The following IPO8 variants were observed in gnomAD, a reference collection of about 807,000 sequenced individuals.
IPO8 encodes the protein importin-8.
In IPO8, 65 loss-of-function variants were observed where a neutral mutation model predicts 141.2. That is an observed-to-expected ratio of 0.46 (90% CI 0.38 to 0.57). The LOEUF (loss-of-function observed/expected upper bound fraction) is 0.57, where lower values mean the gene tolerates loss of function less well. IPO8 is among the 20% of genes least tolerant of loss of function. The pLI is 0.00. For synonymous variants in IPO8, 411 were observed against 420.3 expected, an observed-to-expected ratio of 0.98 and a Z score of 0.27; for missense variants, 980 against 1,246.8, an observed-to-expected ratio of 0.79 and a Z score of 3.22.
In IPO8 at chr12:30,630,710, G is replaced by C. The variant is rs2052418800; in HGVS notation, c.*150C>G. On this transcript the variant is annotated 3_prime_UTR_variant, in exon 25 of 25. Coordinates refer to ENST00000256079, the MANE Select transcript of IPO8 (RefSeq NM_006390.4). The stretch of plus-strand genomic sequence containing the variant: ...AGGGTGACAAAGGTCAAAGGGGAAA[G>C]AGTAGATAAAAGTGCTGCCTAATGC... The C allele has an allele frequency of 1.6e-6, 1 of 616,402 alleles. No homozygotes were observed. Among genetic ancestry groups the C allele is most frequent in the Non-Finnish European group, 2.9e-6 (1 of 345,874 alleles). 38.2% of individuals were successfully genotyped at this position (616,402 alleles called of 1,614,324 possible). A position where few individuals can be genotyped will look rare whatever the true frequency, so the allele number is the denominator to read the frequency against.
At chr12:30,660,716 A>G (rs2052872789) in intron 16 of IPO8, among the ~76,000 whole-genome samples, 1 of 152,130 alleles carries the variant, frequency 6.6e-6, no homozygotes, top group East Asian at 1.9e-4. Context: ...TACTTGTTAT[A>G]TCAGAATTCT....
chr12:30,693,959 C>T (rs766135455), intron 1 of IPO8, among the ~76,000 whole-genome samples: 4 of 152,134 alleles, frequency 2.6e-5, no homozygotes, highest in South Asian at 2.1e-4. Context: ...TTAAATGTCT[C>T]CTAGTTCTGC....
chr12:30,678,216 T>A (rs957278187), intron 5 of IPO8, among the ~76,000 whole-genome samples: 17 of 152,142 alleles, frequency 1.1e-4, no homozygotes, highest in Non-Finnish European at 2.4e-4. Context: ...ATAAATTTTA[T>A]AAATTTAGTG....
chr12:30,651,141 T>G (rs1323447910), intron 19 of IPO8, among the ~76,000 whole-genome samples: 1 of 152,046 alleles, frequency 6.6e-6, no homozygotes, highest in Non-Finnish European at 1.5e-5. Context: ...CACAGAACTG[T>G]TTTACTTGTT....
At chr12:30,664,722 G>A (rs1220152900) in intron 13 of IPO8, among the ~76,000 whole-genome samples, 3 of 150,966 alleles carry the variant, frequency 2.0e-5, no homozygotes, top group African/African-American at 7.4e-5. Context: ...AATAAAACCA[G>A]CAGGAAATAA....
At position 30,639,720 on chromosome 12, in the gene IPO8, C is replaced by G. The variant is rs774490198; in HGVS notation, c.2284G>C (p.Val762Leu). Residue 762 changes from valine to leucine, a missense_variant, in exon 21 of 25, where the codon GTT becomes CTT. This residue lies in a region of IPO8 where 924 missense variants were observed against 1,153.9 expected (regional missense o/e 0.80). Coordinates refer to ENST00000256079, the MANE Select transcript of IPO8 (RefSeq NM_006390.4). ...RGIDQCIPLF[V>L]QLVLERLTRG... ...GTTAATCTCTCCAAAACAAGTTGAA[C>G]GAAGAGTGGAATGCACTAGAAGACA... 4 of 1,613,628 alleles carry G rather than the reference C, an allele frequency of 2.5e-6. No individual in the cohort carries two copies. The highest frequency in any genetic ancestry group is 3.4e-6 in the Non-Finnish European group (4 of 1,179,882).
chr12:30,657,147 A>C (rs995067499), intron 16 of IPO8, among the ~76,000 whole-genome samples: 3 of 152,126 alleles, frequency 2.0e-5, no homozygotes, highest in African/African-American at 7.2e-5. Flanking sequence ...AAATTAAAGA[A>C]TTTTGCATGG....
intron 13 of IPO8, among the ~76,000 whole-genome samples, chr12:30,663,960 T>C (rs2052924845): frequency 6.6e-6 from 1 of 152,204 alleles, no homozygotes; most frequent in Admixed American, 6.5e-5. Context: ...ATTAATTTGT[T>C]ATATGTAAAA....
chr12:30,633,161 A>G (rs1050428629), intron 23 of IPO8, among the ~76,000 whole-genome samples: 2 of 152,186 alleles, frequency 1.3e-5, no homozygotes, highest in African/African-American at 4.8e-5. Context: ...TTTCAATAAG[A>G]ACATCTAGGT....
chr12:30,683,544 T>C (rs2053210238), intron 3 of IPO8, among the ~76,000 whole-genome samples: 1 of 152,200 alleles, frequency 6.6e-6, no homozygotes, highest in African/African-American at 2.4e-5. Flanking sequence ...TTCTCCTATT[T>C]TAAGATTGCA....
At chr12:30,689,626 C>T (rs1171988557) in intron 2 of IPO8, among the ~76,000 whole-genome samples, 1 of 152,138 alleles carries the variant, frequency 6.6e-6, no homozygotes, top group Non-Finnish European at 1.5e-5. Flanking sequence ...TAAATACTTT[C>T]ATCAGCATGT....
intron 8 of IPO8, among the ~76,000 whole-genome samples, chr12:30,671,757 A>T (rs986247526): frequency 1.3e-5 from 2 of 151,560 alleles, no homozygotes; most frequent in African/African-American, 4.8e-5. Context: ...AACAAGAGAC[A>T]GCACAAAGAT....
rs2052415391 is a variant in IPO8 at position 30,630,460 on chromosome 12, C to T, written c.*400G>A. 5.9e-6 allele frequency: 1 copy of T among 169,130 alleles called. No homozygotes were observed. Among genetic ancestry groups the T allele is most frequent in the Non-Finnish European group, 1.3e-5 (1 of 79,948 alleles). The allele number at this position is 169,130 out of a possible 1,614,324, so 10.5% of individuals were successfully genotyped here. ...TTATGCTTTAAAAAAAATTGCAATG[C>T]ACTCCAAAAATTTTTTTCTGATAAT... On this transcript the variant is annotated 3_prime_UTR_variant, in exon 25 of 25. Coordinates refer to ENST00000256079, the MANE Select transcript of IPO8 (RefSeq NM_006390.4).
At position 30,630,440 on chromosome 12, in the gene IPO8, C is replaced by T. The variant is rs1460078465; in HGVS notation, c.*420G>A. 1 of 159,728 alleles carries T rather than the reference C, an allele frequency of 6.3e-6. No homozygotes were observed. Among genetic ancestry groups the T allele is most frequent in the Non-Finnish European group, 1.4e-5 (1 of 73,552 alleles). 9.9% of individuals were successfully genotyped at this position (159,728 alleles called of 1,614,324 possible). A position where few individuals can be genotyped will look rare whatever the true frequency, so the allele number is the denominator to read the frequency against. On this transcript the variant is annotated 3_prime_UTR_variant, in exon 25 of 25. Coordinates refer to ENST00000256079, the MANE Select transcript of IPO8 (RefSeq NM_006390.4). ...GTTGTATCTAGAAATATGTTTTATGCTTTAAAAAAAATTGCAATGCACTCC... is the reference window on the plus strand; with the variant it reads ...GTTGTATCTAGAAATATGTTTTATGTTTTAAAAAAAATTGCAATGCACTCC...
chr12:30,695,618 C>T lies in IPO8; in HGVS notation c.30G>A (p.Leu10=). 1 of 1,614,172 alleles carries T rather than the reference C, an allele frequency of 6.2e-7. No individual in the cohort carries two copies. Among genetic ancestry groups the T allele is most frequent in the East Asian group, 2.2e-5 (1 of 44,858 alleles). The change falls in exon 1 of 25, where the codon CTG becomes CTA. Residue 10 remains leucine, a synonymous_variant. Coordinates refer to ENST00000256079, the MANE Select transcript of IPO8 (RefSeq NM_006390.4). This position sits in a 1 kb window ranked among gnomAD's most constrained non-coding sequence, Gnocchi z 4.2. Reference sequence around the variant, plus strand: ...GCAACTTCGGGTCGATGGTGCCCTTCAGCGCCTGGATGATCCGGTTGAGGT... The same window carrying T: ...GCAACTTCGGGTCGATGGTGCCCTTTAGCGCCTGGATGATCCGGTTGAGGT... MDLNRIIQA[L]KGTIDPKLRI...
At chr12:30,681,090 C>T (rs976467822) in intron 4 of IPO8, among the ~76,000 whole-genome samples, 1 of 152,010 alleles carries the variant, frequency 6.6e-6, no homozygotes, top group African/African-American at 2.4e-5. Context: ...CTTTAATTGC[C>T]ATAAATCTAA....
At chr12:30,680,207 G>A (rs1396400396) in intron 5 of IPO8, among the ~76,000 whole-genome samples, 1 of 152,062 alleles carries the variant, frequency 6.6e-6, no homozygotes, top group Non-Finnish European at 1.5e-5. Flanking sequence ...ATAGTTGCGA[G>A]TAATCAGGTT....
chr12:30,668,404 T>G (rs2052998686), intron 10 of IPO8, among the ~76,000 whole-genome samples: 1 of 152,190 alleles, frequency 6.6e-6, no homozygotes, highest in South Asian at 2.1e-4. Flanking sequence ...TACAGCACTT[T>G]CAGCACGCAG....
intron 1 of IPO8, among the ~76,000 whole-genome samples, chr12:30,692,307 A>C (rs886971638): frequency 6.6e-6 from 1 of 152,230 alleles, no homozygotes; most frequent in African/African-American, 2.4e-5. Flanking sequence ...GCCATTGTAC[A>C]GATTTTGAAA....
Sources: allele counts gnomAD v4.1 joint callset (sites outside exome capture counted in the v4.1 genomes callset), GRCh38; gene constraint gnomAD v4.1.1; regional missense constraint gnomAD v4.1.1; non-coding constraint Gnocchi (gnomAD v3.1); transcripts MANE v1.5; gene names NCBI Gene and HGNC (gene_info 2026-07-23, HGNC 2026-07-21).